The following PIEZO1 variants were observed in gnomAD, a reference collection of about 807,000 sequenced individuals.
PIEZO1 encodes the protein piezo-type mechanosensitive ion channel component 1.
PIEZO1 carries 296 observed loss-of-function variants against 297.2 expected under a neutral mutation model. The observed-to-expected ratio is 1.00, with a 90% CI of 0.91 to 1.10. The LOEUF is 1.10. Ranked by LOEUF, PIEZO1 falls within the 50% of genes least tolerant of loss-of-function variation. PIEZO1 has a pLI of 0.00. For missense variants in PIEZO1, 5,018 were observed against 3,455.5 expected (o/e 1.45, Z -11.34); for synonymous variants, 2,427 against 1,507.5 (o/e 1.61, Z -14.13).
At position 88,726,647 on chromosome 16, in the gene PIEZO1, G is replaced by GGGGAGAGCA; in HGVS notation, c.3700-13_3700-5dup. ...CCACGAAGACGCAGGCCAGGAGCTG[G>GGGGAGAGCA]GGGAGAGCAGGGTCAGCGGGGCCAG... On this transcript the variant is annotated splice_polypyrimidine_tract_variant and splice_region_variant and intron_variant, in intron 25 of 50. Coordinates refer to ENST00000301015, the MANE Select transcript of PIEZO1 (RefSeq NM_001142864.4). The GGGGAGAGCA allele has an allele frequency of 2.0e-6, 3 of 1,516,514 alleles. No homozygotes were observed. In the South Asian group the frequency reaches 3.6e-5, roughly 18 times the overall value. The allele number at this position is 1,516,514 out of a possible 1,614,324, so 93.9% of individuals were successfully genotyped here. A position where few individuals can be genotyped will look rare whatever the true frequency, so the allele number is the denominator to read the frequency against.
intron 1 of PIEZO1, among the ~76,000 whole-genome samples, chr16:88,754,017 C>T (rs1459175482): frequency 6.6e-6 from 1 of 152,220 alleles, no homozygotes; most frequent in Non-Finnish European, 1.5e-5. Flanking sequence ...GGCCTGTGAC[C>T]CCGTGGGGGT....
In PIEZO1 at chr16:88,747,278, G is replaced by A. The variant is rs185648753; in HGVS notation, c.160+2106C>T. ...CACGGTAGCTCATGCCTGTAGTCTC[G>A]GCCGAGGTGGGCAGATCACCTGAGG... is the stretch of plus-strand genomic sequence containing the variant. On this transcript the variant is annotated intron_variant, in intron 2 of 50. Transcript: ENST00000301015. Among the ~76,000 whole-genome samples, 82 of 149,614 alleles carry A rather than the reference G, an allele frequency of 5.5e-4. 1 individual carries two copies. Among genetic ancestry groups the A allele is most frequent in the Middle Eastern group, 3.5e-3 (1 of 282 alleles).
At chr16:88,759,480 G>A (rs1454438465) in intron 1 of PIEZO1, among the ~76,000 whole-genome samples, 2 of 152,166 alleles carry the variant, frequency 1.3e-5, no homozygotes, top group African/African-American at 4.8e-5. Context: ...GCCTTATTTG[G>A]CTTGGAAGAG....
intron 1 of PIEZO1, among the ~76,000 whole-genome samples, chr16:88,775,912 C>T (rs1451484985): frequency 2.0e-5 from 3 of 152,144 alleles, no homozygotes; most frequent in East Asian, 1.9e-4. Flanking sequence ...GCAGTGCACA[C>T]GCAGAGGCAA....
rs1256626380 is a variant in PIEZO1 at position 88,743,156 on chromosome 16, C to G, written c.161-734G>C. 18 of 455,570 alleles carry G rather than the reference C, an allele frequency of 4.0e-5. No individual in the cohort carries two copies. In the Admixed American group the frequency reaches 4.2e-4, roughly 11 times the overall value. 28.2% of individuals were successfully genotyped at this position (455,570 alleles called of 1,614,324 possible). On this transcript the variant is annotated intron_variant, in intron 2 of 50. Transcript: ENST00000301015. ...CTGCCTGTGGCCCCACTGGACTCAG[C>G]CCCCCAGCAGGGAGGCCTTCGGCTG...
Position 88,742,104 on chromosome 16 carries a change from A to G in PIEZO1, c.284-9T>C. The G allele has an allele frequency of 6.5e-7, 1 of 1,535,744 alleles. No individual in the cohort carries two copies. The highest frequency in any genetic ancestry group is 1.4e-5 in the African/African-American group (1 of 73,094). On this transcript the variant is annotated splice_polypyrimidine_tract_variant and intron_variant, in intron 3 of 50. Coordinates refer to ENST00000301015, the MANE Select transcript of PIEZO1 (RefSeq NM_001142864.4). ...GGTCTCCCAGCGGCTGCCTGCAGAG[A>G]AAGACGGGGGAACCCAGGTCAGGCT... is the stretch of plus-strand genomic sequence containing the variant.
At chr16:88,743,086 G>A in intron 2 of PIEZO1, 1 of 456,584 alleles carries the variant, frequency 2.2e-6, no homozygotes, top group Non-Finnish European at 4.4e-6. Flanking sequence ...CTGGCAGGAA[G>A]CGGCAGCACC....
rs1025262017 is a variant in PIEZO1 at position 88,720,170 on chromosome 16, G to A, written c.6063C>T (p.Leu2021=). The A allele has an allele frequency of 1.3e-6, 2 of 1,550,424 alleles. No homozygotes were observed. Among genetic ancestry groups the A allele is most frequent in the Admixed American group, 2.0e-5 (1 of 50,994 alleles). ...QFSTMVVDRA[L]YLRKTVLGKL... ...TGCCCAGCACGGTCTTGCGCAGGTAGAGGGCGCGGTCAACCACCATGGTAC... is the reference window on the plus strand; with the variant it reads ...TGCCCAGCACGGTCTTGCGCAGGTAAAGGGCGCGGTCAACCACCATGGTAC... Residue 2021 remains leucine (L), a synonymous_variant, in exon 42 of 51, where the codon CTC becomes CTT. Coordinates refer to ENST00000301015, the MANE Select transcript of PIEZO1 (RefSeq NM_001142864.4).
At position 88,785,152 on chromosome 16, in the gene PIEZO1, C is replaced by G; in HGVS notation, c.-188G>C. 3.3e-6 allele frequency: 1 copy of G among 304,306 alleles called. No individual in the cohort carries two copies. Among genetic ancestry groups the G allele is most frequent in the Non-Finnish European group, 5.8e-6 (1 of 172,468 alleles). 18.9% of individuals were successfully genotyped at this position (304,306 alleles called of 1,614,324 possible). Reference sequence around the variant, plus strand: ...CCCGGGCCCGCGCTCGCTCAGGCGACCGCCCTGCCCCTCGGCGGAGCGCAG... The same window carrying G: ...CCCGGGCCCGCGCTCGCTCAGGCGAGCGCCCTGCCCCTCGGCGGAGCGCAG... On this transcript the variant is annotated 5_prime_UTR_variant, in exon 1 of 51. Coordinates refer to ENST00000301015, the MANE Select transcript of PIEZO1 (RefSeq NM_001142864.4).
intron 2 of PIEZO1, among the ~76,000 whole-genome samples, chr16:88,744,840 G>C (rs935481741): frequency 4.6e-5 from 7 of 151,932 alleles, no homozygotes; most frequent in African/African-American, 1.7e-4. Flanking sequence ...AGGGAGCTGA[G>C]AGTCCGAGGG....
chr16:88,771,379 T>A (rs1309319726), intron 1 of PIEZO1, among the ~76,000 whole-genome samples: 2 of 151,066 alleles, frequency 1.3e-5, no homozygotes, highest in Admixed American at 6.6e-5. Context: ...CAGCTAGGAG[T>A]GCGGCGACAA....
At chr16:88,723,184 T>G in intron 32 of PIEZO1, 33 bp from the exon 33 acceptor site, 1 of 1,549,192 alleles carries the variant, frequency 6.5e-7, no homozygotes, top group Non-Finnish European at 8.7e-7. Flanking sequence ...TGACTGGCAG[T>G]CCCGCGGCTT....
intron 1 of PIEZO1, among the ~76,000 whole-genome samples, chr16:88,759,011 A>G (rs538079240): frequency 6.6e-6 from 1 of 152,374 alleles, no homozygotes; most frequent in Middle Eastern, 3.4e-3. Context: ...CTCCTGCAGA[A>G]GAGGTCCTTG....
rs1911998147 is a variant in PIEZO1, at chr16:88,716,052, G to T, written c.7197C>A (p.Gly2399=). 1.3e-6 allele frequency: 2 copies of T among 1,550,138 alleles called. No individual in the cohort carries two copies. Among genetic ancestry groups the T allele is most frequent in the African/African-American group, 2.7e-5 (2 of 73,054 alleles). ...LRREQGAGAT[G]FLEWWVIELQ... Reference sequence around the variant, plus strand: ...GCTCGATGACCCACCATTCGAGGAAGCCGGTGGCCCCCGCACCCTGCTCCC... The same window carrying T: ...GCTCGATGACCCACCATTCGAGGAATCCGGTGGCCCCCGCACCCTGCTCCC... Residue 2399 remains glycine (G), a synonymous_variant, in exon 50 of 51, where the codon GGC becomes GGA. Transcript: ENST00000301015.
Position 88,717,467 on chromosome 16 carries a change from C to T in PIEZO1, c.6472-256G>A, listed in dbSNP as rs148615686. ...TGGGAACGGACAACCTTTTTCAACA[C>T]GGTGCAGGCACCGCCCCAGGCAGGA... On this transcript the variant is annotated intron_variant, in intron 44 of 50. Transcript: ENST00000301015. 3.1e-3 allele frequency: 1,839 copies of T among 600,542 alleles called. 26 individuals carry two copies. The highest frequency in any genetic ancestry group is 0.03 in the African/African-American group (1,629 of 54,586). The allele number at this position is 600,542 out of a possible 1,614,324, so 37.2% of individuals were successfully genotyped here.
At chr16:88,768,066 CCA>C (rs1324795631) in intron 1 of PIEZO1, among the ~76,000 whole-genome samples, 1 of 152,240 alleles carries the variant, frequency 6.6e-6, no homozygotes, top group Non-Finnish European at 1.5e-5. Context: ...AAAGTGGGAC[CCA>C]CGAGCCCCCA....
At position 88,723,310 on chromosome 16, in the gene PIEZO1, C is replaced by T; in HGVS notation, c.4354G>A (p.Val1452Met). 1 of 1,539,160 alleles carries T rather than the reference C, an allele frequency of 6.5e-7. No individual in the cohort carries two copies. The highest frequency in any genetic ancestry group is 8.7e-7 in the Non-Finnish European group (1 of 1,146,740). ...SAFQLAYQAWVTNAQAVLRRR... is the reference protein window; with the variant it reads ...SAFQLAYQAWMTNAQAVLRRR... Reference sequence around the variant, plus strand: ...CTCAGCACCGCCTGGGCGTTGGTCACCCATGCCTGGTACGCCAGCTGTCGG... The same window carrying T: ...CTCAGCACCGCCTGGGCGTTGGTCATCCATGCCTGGTACGCCAGCTGTCGG... Residue 1452 changes from valine to methionine, a missense_variant, in exon 32 of 51, where the codon GTG (valine) becomes ATG (methionine). By Grantham distance (21) the Val-to-Met change is conservative. Coordinates refer to ENST00000301015, the MANE Select transcript of PIEZO1 (RefSeq NM_001142864.4).
rs1340761236 is a variant in PIEZO1, at chr16:88,734,647, C to T, written c.1997+3G>A. On this transcript the variant is annotated splice_donor_region_variant and intron_variant, in intron 15 of 50. Transcript: ENST00000301015. Reference sequence around the variant, plus strand: ...CTGCCCCACCGCCCCAGCCTGGACTCACTGCTCGTCGGTGAAGCCAGTGAG... The same window carrying T: ...CTGCCCCACCGCCCCAGCCTGGACTTACTGCTCGTCGGTGAAGCCAGTGAG... 28 of 1,550,088 alleles carry T rather than the reference C, an allele frequency of 1.8e-5. No individual in the cohort carries two copies. Among genetic ancestry groups the T allele is most frequent in the Non-Finnish European group, 2.4e-5 (27 of 1,146,904 alleles).
intron 1 of PIEZO1, among the ~76,000 whole-genome samples, chr16:88,758,938 A>C (rs950324821): frequency 6.6e-6 from 1 of 152,184 alleles, no homozygotes; most frequent in Non-Finnish European, 1.5e-5. Flanking sequence ...GTAAAACTGA[A>C]ATTCCACATG....
Sources: gnomAD v4.1 joint callset for allele counts (sites outside exome capture counted in the v4.1 genomes callset) on GRCh38, gnomAD v4.1.1 for gene constraint, MANE v1.5 for transcripts, NCBI Gene and HGNC (gene_info 2026-07-23, HGNC 2026-07-21) for gene names.